Variants in ZNF197 observed in about 807,000 individuals in gnomAD.
ZNF197 encodes zinc finger protein 197, also known as VHL-associated KRAB-A domain-containing protein.
Under a neutral mutation model 27.4 loss-of-function variants are expected in ZNF197, and 14 were observed. The ratio of observed to expected loss-of-function variants is 0.51; its 90% confidence interval spans 0.34 to 0.80. The LOEUF (loss-of-function observed/expected upper bound fraction) is 0.80. Among genes scored for constraint, ZNF197 ranks in the 30% least tolerant of loss-of-function variants. ZNF197 has a pLI of 0.02. For synonymous variants in ZNF197, 415 were observed against 420.0 expected (o/e 0.99, Z 0.15); for missense variants, 1,090 against 1,222.6 (o/e 0.89, Z 1.62).
chr3:44,637,937 C>T (rs1173057867), intron 5 of ZNF197, among the ~76,000 whole-genome samples: 1 of 152,170 alleles, frequency 6.6e-6, no homozygotes, highest in Non-Finnish European at 1.5e-5. Flanking sequence ...TTTAGCTACT[C>T]TAGGTCTCTT....
rs1322641758 is a variant in ZNF197 at position 44,645,521 on chromosome 3, C to T, written c.*1301C>T. The stretch of plus-strand genomic sequence containing the variant: ...TATGGCCAGCCATTAACAGTGATGC[C>T]AAGGAAAACAATTTATTTCCCAGCT... On this transcript the variant is annotated 3_prime_UTR_variant, in exon 6 of 6. Transcript: ENST00000344387. The T allele has an allele frequency of 2.0e-6, 2 of 985,040 alleles. No individual in the cohort carries two copies. The highest frequency in any genetic ancestry group is 2.3e-4 in the East Asian group (2 of 8,820). The allele number at this position is 985,040 out of a possible 1,614,324, so 61.0% of individuals were successfully genotyped here. A position where few individuals can be genotyped will look rare whatever the true frequency, so the allele number is the denominator to read the frequency against.
rs368857512 is a variant in ZNF197, at chr3:44,646,653, C to T, written c.*2433C>T. 4 of 664,278 alleles carry T rather than the reference C, an allele frequency of 6.0e-6. No individual in the cohort carries two copies. The African/African-American group carries it at 7.3e-5, about 12-fold the overall frequency. 41.1% of individuals were successfully genotyped at this position (664,278 alleles called of 1,614,324 possible). On this transcript the variant is annotated 3_prime_UTR_variant, in exon 6 of 6. Transcript: ENST00000344387. ...GAAAATTGTTCAAGCTGTCTTGAGT[C>T]TGCTGTGAGTTTATTATACCATTCT...
chr3:44,644,724 A>G lies in ZNF197; in HGVS notation c.*504A>G. 1.0e-6 allele frequency: 1 copy of G among 985,950 alleles called. No homozygotes were observed. The highest frequency in any genetic ancestry group is 1.1e-4 in the East Asian group (1 of 8,820). The allele number at this position is 985,950 out of a possible 1,614,324, so 61.1% of individuals were successfully genotyped here. A position where few individuals can be genotyped will look rare whatever the true frequency, so the allele number is the denominator to read the frequency against. ...CATAGTTGTAAATGAGAGCAACAAT[A>G]AAAAGTAGACATGGGCTGGGTGCAG... On this transcript the variant is annotated 3_prime_UTR_variant, in exon 6 of 6. Coordinates refer to ENST00000344387, the MANE Select transcript of ZNF197 (RefSeq NM_006991.5).
At chr3:44,628,448 TA>T (rs1701792546) in intron 1 of ZNF197, among the ~76,000 whole-genome samples, 2 of 152,188 alleles carry the variant, frequency 1.3e-5, no homozygotes, top group Admixed American at 1.3e-4. Context: ...TTCAGAGAAT[TA>T]AAGGCATGTA....
At chr3:44,625,256 C>T (rs913693472) in intron 1 of ZNF197, 113 bp downstream of exon 1, 2 of 152,290 alleles carry the variant, frequency 1.3e-5, no homozygotes, top group African/African-American at 4.8e-5. Flanking sequence ...GGCCCTGACC[C>T]CCGGCATGGT....
Position 44,646,001 on chromosome 3 carries a change from G to A in ZNF197, c.*1781G>A. 1 of 985,388 alleles carries A rather than the reference G, an allele frequency of 1.0e-6. No homozygotes were observed. The highest frequency in any genetic ancestry group is 1.2e-6 in the Non-Finnish European group (1 of 829,920). 61.0% of individuals were successfully genotyped at this position (985,388 alleles called of 1,614,324 possible). On this transcript the variant is annotated 3_prime_UTR_variant, in exon 6 of 6. Transcript: ENST00000344387. Reference sequence around the variant, plus strand: ...TATGAAGATTGTGTTTTTTAATAATGTCAAAGTGGTGTGTTGATTATCATA... The same window carrying A: ...TATGAAGATTGTGTTTTTTAATAATATCAAAGTGGTGTGTTGATTATCATA...
At chr3:44,638,695 ATTTAT>A (rs1287890472) in intron 5 of ZNF197, among the ~76,000 whole-genome samples, 1 of 151,982 alleles carries the variant, frequency 6.6e-6, no homozygotes, top group East Asian at 1.9e-4. Context: ...ATGAAATATA[ATTTAT>A]TTTAATTTTT....
In ZNF197 at chr3:44,642,890, T is replaced by G. The variant is rs1430788973; in HGVS notation, c.1760T>G (p.Val587Gly). Residue 587 changes from valine (V) to glycine (G), a missense_variant, in exon 6 of 6, where the codon GTC (valine) becomes GGC (glycine). Val to Gly is a moderately radical substitution (Grantham distance 109). Coordinates refer to ENST00000344387, the MANE Select transcript of ZNF197 (RefSeq NM_006991.5). ...AAAAGCCTCCTCTTACATCAGAGAG[T>G]CCACACAGAAAAGAAAACCTTTGGT... ...RSKSLLLHQR[V>G]HTEKKTFGCK... 6.2e-7 allele frequency: 1 copy of G among 1,613,960 alleles called. No homozygotes were observed. Among genetic ancestry groups the G allele is most frequent in the East Asian group, 2.2e-5 (1 of 44,884 alleles).
chr3:44,647,188 A>G lies in ZNF197; in HGVS notation c.*2968A>G, dbSNP rs1379184425. The G allele has an allele frequency of 6.6e-6, 1 of 152,236 alleles. No individual in the cohort carries two copies. Among genetic ancestry groups the G allele is most frequent in the Non-Finnish European group, 1.5e-5 (1 of 68,048 alleles). 9.4% of individuals were successfully genotyped at this position (152,236 alleles called of 1,614,324 possible). ...CAAAAGACAGACATTTCACTGAAGT[A>G]TAGATAGCAAATAAGCAAATGAAAA... is the stretch of plus-strand genomic sequence containing the variant. On this transcript the variant is annotated 3_prime_UTR_variant, in exon 6 of 6. Transcript: ENST00000344387.
chr3:44,646,741 G>C lies in ZNF197; in HGVS notation c.*2521G>C, dbSNP rs549629942. On this transcript the variant is annotated 3_prime_UTR_variant, in exon 6 of 6. Transcript: ENST00000344387. Reference sequence around the variant, plus strand: ...GTATAAAACATGGATGAGGAGGCTTGTTTTTAAAAGATAATACTAGAGAGC... The same window carrying C: ...GTATAAAACATGGATGAGGAGGCTTCTTTTTAAAAGATAATACTAGAGAGC... 1.0e-5 allele frequency: 5 copies of C among 486,228 alleles called. No individual in the cohort carries two copies. Among genetic ancestry groups the C allele is most frequent in the Middle Eastern group, 5.4e-4 (1 of 1,846 alleles). 30.1% of individuals were successfully genotyped at this position (486,228 alleles called of 1,614,324 possible).
intron 1 of ZNF197, among the ~76,000 whole-genome samples, chr3:44,627,656 C>T (rs759714676): frequency 2.0e-5 from 3 of 151,896 alleles, no homozygotes; most frequent in Non-Finnish European, 2.9e-5. Context: ...CATTGCGAAA[C>T]CCCGTCTCTA....
At chr3:44,625,330 G>A (rs1039313942) in intron 1 of ZNF197, among the ~76,000 whole-genome samples, 187 bp downstream of exon 1, 3 of 152,238 alleles carry the variant, frequency 2.0e-5, no homozygotes, top group African/African-American at 7.2e-5. Context: ...GCCGGCCCGA[G>A]GGAAGTACTG....
chr3:44,634,249 C>G (rs140710523), intron 5 of ZNF197, among the ~76,000 whole-genome samples: 1 of 152,042 alleles, frequency 6.6e-6, no homozygotes, highest in Admixed American at 6.6e-5. Context: ...CATTTTACTC[C>G]TATTCATATA....
intron 2 of ZNF197, among the ~76,000 whole-genome samples, chr3:44,630,084 G>A (rs1156721658): frequency 6.6e-6 from 1 of 152,066 alleles, no homozygotes; most frequent in East Asian, 1.9e-4. Flanking sequence ...AGATGTAGTG[G>A]CGAGTGCCTA....
At position 44,626,656 on chromosome 3, in the gene ZNF197, C is replaced by T. The variant is rs117206224; in HGVS notation, c.-82+1513C>T. Among the ~76,000 whole-genome samples, 145 of 152,154 alleles carry T rather than the reference C, an allele frequency of 9.5e-4. 4 individuals carry two copies. In the East Asian group the frequency reaches 0.027, roughly 28 times the overall value. On this transcript the variant is annotated intron_variant, in intron 1 of 5. Transcript: ENST00000344387. Reference sequence around the variant, plus strand: ...TTCAAAATGCAAGTCAAAAATTTGGCGAAGAGCACAAACTTTGAGAAACAT... The same window carrying T: ...TTCAAAATGCAAGTCAAAAATTTGGTGAAGAGCACAAACTTTGAGAAACAT...
At chr3:44,631,281 C>T in intron 3 of ZNF197, 60 bp downstream of exon 3, 4 of 1,598,122 alleles carry the variant, frequency 2.5e-6, no homozygotes, top group Non-Finnish European at 3.4e-6. Flanking sequence ...GGCTCATCCC[C>T]CTACTTCCAG....
rs113706917 is a variant in ZNF197 at position 44,637,231 on chromosome 3, C to T, written c.769+4632C>T. On this transcript the variant is annotated intron_variant, in intron 5 of 5. Transcript: ENST00000344387. ...GCAGCCTTGAATTCCTGGGCTCAAG[C>T]GATCCTCTCACCTCAGCCTCCCAAG... is the stretch of plus-strand genomic sequence containing the variant. Among the ~76,000 whole-genome samples the T allele has an allele frequency of 7.2e-3, 1,090 of 152,166 alleles. 4 individuals are homozygous for T. The highest frequency in any genetic ancestry group is 0.013 in the African/African-American group (560 of 41,502).
In ZNF197 at chr3:44,645,923, G is replaced by A. The variant is rs542470262; in HGVS notation, c.*1703G>A. 6.0e-5 allele frequency: 59 copies of A among 985,408 alleles called. No individual in the cohort carries two copies. The Admixed American group carries it at 8.6e-4, about 14-fold the overall frequency. 61.0% of individuals were successfully genotyped at this position (985,408 alleles called of 1,614,324 possible). On this transcript the variant is annotated 3_prime_UTR_variant, in exon 6 of 6. Transcript: ENST00000344387. ...ATATTCTTAAGTTGGTAATTTTTAT[G>A]TTGTAATTCTCAAAGTTCTGTTTCT...
At position 44,642,699 on chromosome 3, in the gene ZNF197, G is replaced by C; in HGVS notation, c.1569G>C (p.Lys523Asn). 6.2e-7 allele frequency: 1 copy of C among 1,613,960 alleles called. No individual in the cohort carries two copies. The highest frequency in any genetic ancestry group is 1.3e-5 in the African/African-American group (1 of 75,018). The change falls in exon 6 of 6, where the codon AAG (lysine) becomes AAC (asparagine). Residue 523 changes from lysine to asparagine, a missense_variant. Transcript: ENST00000344387. ...NKCQKAFILK[K>N]SLILHQRIHS... The stretch of plus-strand genomic sequence containing the variant: ...GTCAGAAAGCTTTCATTCTGAAGAA[G>C]AGCCTCATTCTGCACCAGAGAATCC...
Sources: allele counts gnomAD v4.1 joint callset (sites outside exome capture counted in the v4.1 genomes callset), GRCh38; gene constraint gnomAD v4.1.1; transcripts MANE v1.5; gene names NCBI Gene and HGNC (gene_info 2026-07-23, HGNC 2026-07-21).